CCDC149: variants seen among roughly 807,000 people sequenced by gnomAD.
CCDC149 encodes coiled-coil domain containing 149.
CCDC149 carries 45 observed loss-of-function variants against 59.9 expected under a neutral mutation model. That is an observed-to-expected ratio of 0.75 (90% confidence interval 0.59 to 0.96). The LOEUF (loss-of-function observed/expected upper bound fraction) is 0.96, where lower values mean the gene tolerates loss of function less well. Among genes scored for constraint, CCDC149 ranks in the 40% least tolerant of loss-of-function variants. CCDC149 has a pLI of 0.00. For synonymous variants in CCDC149, 245 were observed against 260.6 expected, an observed-to-expected ratio of 0.94 and a Z score of 0.58; for missense variants, 584 against 664.7, an observed-to-expected ratio of 0.88 and a Z score of 1.33.
At chr4:24,866,530 G>T (rs1305739796) in intron 3 of CCDC149, among the ~76,000 whole-genome samples, 2 of 152,058 alleles carry the variant, frequency 1.3e-5, no homozygotes, top group Non-Finnish European at 2.9e-5. Flanking sequence ...ATCTCTCACT[G>T]CAGTGCAAAG....
intron 1 of CCDC149, among the ~76,000 whole-genome samples, chr4:24,944,800 G>C (rs1054659424): frequency 6.6e-6 from 1 of 152,104 alleles, no homozygotes. Context: ...GCAATGACTT[G>C]TTTTCTGTCA....
At chr4:24,973,770 C>A (rs1444629805) in intron 1 of CCDC149, among the ~76,000 whole-genome samples, 1 of 152,236 alleles carries the variant, frequency 6.6e-6, no homozygotes, top group African/African-American at 2.4e-5. Context: ...TTGGTTACAA[C>A]TGAGGAGTTC....
At chr4:24,831,302 C>A in intron 9 of CCDC149, 1 of 572,600 alleles carries the variant, frequency 1.7e-6, no homozygotes, top group Non-Finnish European at 3.1e-6. Context: ...ATGGCTGGTA[C>A]CCTTTCCTTG....
chr4:24,805,876 G>A (rs1714129476), downstream of CCDC149, among the ~76,000 whole-genome samples: 1 of 152,202 alleles, frequency 6.6e-6, no homozygotes, highest in Admixed American at 6.5e-5. Flanking sequence ...GACACAGCAG[G>A]AAGAGCAGGA....
chr4:24,877,330 C>T (rs951060385), intron 1 of CCDC149, among the ~76,000 whole-genome samples: 6 of 152,000 alleles, frequency 3.9e-5, no homozygotes, highest in Non-Finnish European at 7.4e-5. Context: ...GGAATACAGA[C>T]GCGTACCACC....
chr4:24,968,091 A>G (rs989927115), intron 1 of CCDC149, among the ~76,000 whole-genome samples: 7 of 152,246 alleles, frequency 4.6e-5, no homozygotes, highest in Admixed American at 1.3e-4. Flanking sequence ...CTGGCAGCCA[A>G]ACGGGCTATT....
chr4:24,948,046 T>C (rs1053515129), intron 1 of CCDC149, among the ~76,000 whole-genome samples: 1 of 152,184 alleles, frequency 6.6e-6, no homozygotes. Context: ...TCCCTGTTCA[T>C]GGACGTTACT....
At chr4:24,885,073 C>T (rs1017896743) in intron 1 of CCDC149, among the ~76,000 whole-genome samples, 11 of 152,124 alleles carry the variant, frequency 7.2e-5, no homozygotes, top group African/African-American at 2.4e-4. Context: ...CAGTGAGCGA[C>T]GCCCTGGGCT....
At chr4:24,854,411 A>T (rs1355820291) in intron 3 of CCDC149, among the ~76,000 whole-genome samples, 1 of 152,238 alleles carries the variant, frequency 6.6e-6, no homozygotes, top group Non-Finnish European at 1.5e-5. Flanking sequence ...TTAAAAGCTC[A>T]TAATGAATAA....
intron 1 of CCDC149, among the ~76,000 whole-genome samples, chr4:24,956,587 A>C (rs1723473447): frequency 1.3e-5 from 2 of 152,186 alleles, no homozygotes; most frequent in African/African-American, 4.8e-5. Flanking sequence ...AATTGGGCCC[A>C]GTGAGCGAGA....
intron 1 of CCDC149, among the ~76,000 whole-genome samples, chr4:24,978,004 C>T (rs1401419904): frequency 6.6e-6 from 1 of 152,144 alleles, no homozygotes; most frequent in African/African-American, 2.4e-5. Flanking sequence ...TGATGGTGCA[C>T]ACCTTTAGTC....
intron 1 of CCDC149, among the ~76,000 whole-genome samples, chr4:24,907,204 T>A (rs1721587871): frequency 6.6e-6 from 1 of 152,222 alleles, no homozygotes; most frequent in South Asian, 2.1e-4. Context: ...TATGCACTCA[T>A]AAGCATTATT....
At chr4:24,840,070 G>A (rs11933544) in intron 4 of CCDC149, among the ~76,000 whole-genome samples, 2,888 of 152,268 alleles carry the variant, frequency 0.019, 101 homozygotes, top group African/African-American at 0.066. Flanking sequence ...TAAGCCAAGG[G>A]AGAATATTAA....
In CCDC149 at chr4:24,839,000, A is replaced by ACT. The variant is rs36052894; in HGVS notation, c.373-730_373-729dup. On this transcript the variant is annotated intron_variant, in intron 4 of 12. Coordinates refer to ENST00000635206, the MANE Select transcript of CCDC149 (RefSeq NM_001330643.2). Reference sequence around the variant, plus strand: ...CAGTATGACTAAAATTATACTAAGAACTCTCTCTCTCTCTCTCTCTCTCTC... The same window carrying ACT: ...CAGTATGACTAAAATTATACTAAGAACTCTCTCTCTCTCTCTCTCTCTCTCTC... Among the ~76,000 whole-genome samples the ACT allele has an allele frequency of 8.6e-3, 1,103 of 128,686 alleles. 3 individuals are homozygous for ACT. Among genetic ancestry groups the ACT allele is most frequent in the Non-Finnish European group, 0.012 (732 of 62,016 alleles). 84.4% of individuals were successfully genotyped at this position (128,686 alleles called of 152,430 possible).
chr4:24,877,809 C>T (rs573249402), intron 1 of CCDC149, among the ~76,000 whole-genome samples: 4 of 152,296 alleles, frequency 2.6e-5, no homozygotes, highest in East Asian at 1.9e-4. Context: ...TCCTGCACCA[C>T]GAACCACCCT....
At position 24,912,937 on chromosome 4, in the gene CCDC149, C is replaced by T. The variant is rs1721984041; in HGVS notation, c.-58G>A. ...CCTCCTCCTCGCGACGTCGCGTCGC[C>T]GCCGCCGCCCGGGCCCCGCGCGGCC... is the stretch of plus-strand genomic sequence containing the variant. On this transcript the variant is annotated 5_prime_UTR_variant, in exon 1 of 13. Transcript: ENST00000635206. 2 of 1,056,986 alleles carry T rather than the reference C, an allele frequency of 1.9e-6. No individual in the cohort carries two copies. The highest frequency in any genetic ancestry group is 2.4e-6 in the Non-Finnish European group (2 of 820,646). The allele number at this position is 1,056,986 out of a possible 1,614,324, so 65.5% of individuals were successfully genotyped here.
chr4:24,873,839 C>G, intron 2 of CCDC149, 120 bp from the exon 3 acceptor site: 1 of 695,228 alleles, frequency 1.4e-6, no homozygotes, highest in Non-Finnish European at 2.5e-6. Flanking sequence ...CACCCTGCAG[C>G]CAGTAATGTG....
intron 8 of CCDC149, 75 bp from the exon 9 acceptor site, chr4:24,831,725 T>C: frequency 7.4e-7 from 1 of 1,357,274 alleles, no homozygotes; most frequent in Non-Finnish European, 1.0e-6. Flanking sequence ...TGTCAATCCT[T>C]CTTGGATAAT....
chr4:24,918,281 A>G (rs574364862), intron 1 of CCDC149, among the ~76,000 whole-genome samples: 2 of 152,142 alleles, frequency 1.3e-5, no homozygotes, highest in East Asian at 1.9e-4. Context: ...GGGGATGGGG[A>G]AAAAAAACAA....
Sources: allele counts gnomAD v4.1 joint callset (sites outside exome capture counted in the v4.1 genomes callset), GRCh38; gene constraint gnomAD v4.1.1; transcripts MANE v1.5; gene names NCBI Gene and HGNC (gene_info 2026-07-23, HGNC 2026-07-21).